Variants in SLC2A9 observed in about 807,000 individuals in gnomAD.
SLC2A9 encodes solute carrier family 2, facilitated glucose transporter member 9.
SLC2A9 carries 39 observed loss-of-function variants against 50.6 expected under a neutral mutation model. The ratio of observed to expected loss-of-function variants is 0.77; its 90% confidence interval spans 0.60 to 1.01. The LOEUF is 1.01. SLC2A9 is among the 50% of genes least tolerant of loss of function. The probability of loss-of-function intolerance (pLI) is 0.00; values close to 1 mark genes in which losing one functional copy is unlikely to be tolerated. For synonymous variants in SLC2A9, 324 were observed against 276.9 expected, an observed-to-expected ratio of 1.17 and a Z score of -1.69; for missense variants, 686 against 677.6, an observed-to-expected ratio of 1.01 and a Z score of -0.14.
At chr4:9,916,107 C>T (rs577609206) in intron 7 of SLC2A9, among the ~76,000 whole-genome samples, 2 of 152,276 alleles carry the variant, frequency 1.3e-5, no homozygotes, top group African/African-American at 4.8e-5. Context: ...TTAGAGAAAG[C>T]GTAAGAAATC....
rs762779507 is a variant in SLC2A9, at chr4:9,980,615, C to T, written c.658G>A (p.Gly220Ser). The T allele has an allele frequency of 6.2e-7, 1 of 1,614,160 alleles. No homozygotes were observed. Among genetic ancestry groups the T allele is most frequent in the Non-Finnish European group, 8.5e-7 (1 of 1,180,018 alleles). Reference protein sequence around the residue: ...CIGVFTGQLLGLPELLGKEST... With the variant: ...CIGVFTGQLLSLPELLGKEST... ...ACCTTTCCCAGCAGCTCGGGCAGGC[C>T]CAGAAGCTGCCCAGTGAACACGCCA... Residue 220 changes from glycine to serine, a missense_variant, in exon 5 of 12, where the codon GGC becomes AGC. By Grantham distance (56) the Gly-to-Ser change is moderately conservative. Coordinates refer to ENST00000264784, the MANE Select transcript of SLC2A9 (RefSeq NM_020041.3).
intron 5 of SLC2A9, among the ~76,000 whole-genome samples, chr4:9,975,758 A>G (rs184097486): frequency 6.6e-6 from 1 of 152,348 alleles, no homozygotes; most frequent in East Asian, 1.9e-4. Context: ...TATATATCCA[A>G]AGAAAATAAA....
chr4:9,816,941 A>G (rs1414764110), intron 3 of SLC2A9, among the ~76,000 whole-genome samples: 1 of 152,150 alleles, frequency 6.6e-6, no homozygotes, highest in East Asian at 1.9e-4. Flanking sequence ...GAGACGCAAC[A>G]CCTTGGAATC....
chr4:9,936,260 T>C (rs1414844721), intron 6 of SLC2A9, among the ~76,000 whole-genome samples: 4 of 152,240 alleles, frequency 2.6e-5, no homozygotes, highest in Non-Finnish European at 5.9e-5. Context: ...CAAAGCACTC[T>C]GATATCCATG....
chr4:9,930,586 G>T (rs929849597), intron 6 of SLC2A9, among the ~76,000 whole-genome samples: 2 of 152,204 alleles, frequency 1.3e-5, no homozygotes, highest in African/African-American at 2.4e-5. Context: ...TTTCCTCTGG[G>T]TCTAGAATGC....
rs114495476 is a variant in SLC2A9, at chr4:9,891,638, A to G, written c.1114-927T>C. Among the ~76,000 whole-genome samples, 846 of 152,244 alleles carry G rather than the reference A, an allele frequency of 5.6e-3. 4 individuals are homozygous for G. The highest frequency in any genetic ancestry group is 0.019 in the African/African-American group (798 of 41,550). On this transcript the variant is annotated intron_variant, in intron 8 of 11. Coordinates refer to ENST00000264784, the MANE Select transcript of SLC2A9 (RefSeq NM_020041.3). ...AAAAAGAGAACACGGAGGGTCAGAGAGGTGAGATAACAGCAGACATCACAG... is the reference window on the plus strand; with the variant it reads ...AAAAAGAGAACACGGAGGGTCAGAGGGGTGAGATAACAGCAGACATCACAG...
At chr4:9,934,813 G>C (rs6449140) in intron 6 of SLC2A9, among the ~76,000 whole-genome samples, 89,276 of 151,896 alleles carry the variant, frequency 0.59, 27,493 homozygotes, top group African/African-American at 0.79. Flanking sequence ...CCTCCCCTCA[G>C]CCCCTGCCCA....
intron 6 of SLC2A9, among the ~76,000 whole-genome samples, chr4:9,929,703 G>A (rs868118806): frequency 1.5e-4 from 23 of 152,282 alleles, no homozygotes; most frequent in South Asian, 2.1e-4. Context: ...GCGGAGGAGC[G>A]AGAATTACAA....
chr4:9,946,290 T>G (rs1464030743), intron 5 of SLC2A9, among the ~76,000 whole-genome samples: 1 of 152,238 alleles, frequency 6.6e-6, no homozygotes, highest in Non-Finnish European at 1.5e-5. Context: ...ATGTTTTAAA[T>G]AGACTTCCAG....
At chr4:9,816,650 T>C (rs1723634170) in intron 3 of SLC2A9, among the ~76,000 whole-genome samples, 1 of 152,158 alleles carries the variant, frequency 6.6e-6, no homozygotes, top group African/African-American at 2.4e-5. Flanking sequence ...GAGTTCTACA[T>C]CTTAGATGTA....
intron 5 of SLC2A9, among the ~76,000 whole-genome samples, chr4:9,962,069 A>G (rs4295261): frequency 0.48 from 73,543 of 152,070 alleles, 19,146 homozygotes; most frequent in African/African-American, 0.67. Context: ...AAGAAACAAC[A>G]GATGCTGATG....
At chr4:9,813,327 G>T (rs1723126060) in intron 3 of SLC2A9, among the ~76,000 whole-genome samples, 1 of 152,128 alleles carries the variant, frequency 6.6e-6, no homozygotes, top group Admixed American at 6.5e-5. Context: ...ACAGTTTACT[G>T]TTCTCTGAAT....
At chr4:9,914,059 A>C (rs1468432104) in intron 7 of SLC2A9, among the ~76,000 whole-genome samples, 2 of 152,220 alleles carry the variant, frequency 1.3e-5, no homozygotes. Context: ...ACTGAGGCTC[A>C]GCCAGGTAAG....
At chr4:9,854,339 G>A (rs113499667) in intron 10 of SLC2A9, among the ~76,000 whole-genome samples, 9 of 152,056 alleles carry the variant, frequency 5.9e-5, no homozygotes, top group African/African-American at 2.2e-4. Flanking sequence ...AGCCCTCAGA[G>A]ACTATTATGA....
At chr4:9,777,086 A>G (rs1717662017), downstream of SLC2A9, among the ~76,000 whole-genome samples, 2 of 152,190 alleles carry the variant, frequency 1.3e-5, no homozygotes, top group South Asian at 4.1e-4. Flanking sequence ...TATAGCATTT[A>G]GCACTGTATG....
intron 3 of SLC2A9, among the ~76,000 whole-genome samples, chr4:9,992,963 T>C (rs1757971061): frequency 1.3e-5 from 2 of 152,232 alleles, no homozygotes; most frequent in South Asian, 4.1e-4. Context: ...CTTGTATCTC[T>C]ACCATCCATG....
intron 1 of SLC2A9, among the ~76,000 whole-genome samples, chr4:10,032,699 A>G (rs1054380474): frequency 1.3e-5 from 2 of 152,174 alleles, no homozygotes; most frequent in Non-Finnish European, 2.9e-5. Context: ...GTCCCTGGCC[A>G]TGGTCAACAG....
intron 5 of SLC2A9, among the ~76,000 whole-genome samples, chr4:9,962,781 G>C (rs1395854134): frequency 3.9e-5 from 6 of 152,232 alleles, no homozygotes; most frequent in Admixed American, 3.9e-4. Flanking sequence ...TGTGTGCAGA[G>C]GCAGGGAGTG....
chr4:9,959,834 C>A (rs1443896756), intron 5 of SLC2A9, among the ~76,000 whole-genome samples: 1 of 152,230 alleles, frequency 6.6e-6, no homozygotes, highest in Non-Finnish European at 1.5e-5. Context: ...CTGAGCTGCA[C>A]AACCAGACTG....
Sources: allele counts gnomAD v4.1 joint callset (sites outside exome capture counted in the v4.1 genomes callset), GRCh38; gene constraint gnomAD v4.1.1; transcripts MANE v1.5; gene names NCBI Gene and HGNC (gene_info 2026-07-23, HGNC 2026-07-21).